JAKMIP2: variants seen among roughly 807,000 people sequenced by gnomAD.
JAKMIP2 encodes janus kinase and microtubule interacting protein 2.
JAKMIP2 carries 25 observed loss-of-function variants against 115.0 expected under a neutral mutation model. The ratio of observed to expected loss-of-function variants is 0.22; its 90% confidence interval spans 0.16 to 0.30. JAKMIP2 has a LOEUF of 0.30. Ranked by LOEUF, JAKMIP2 falls within the 10% of genes least tolerant of loss-of-function variation. The probability of loss-of-function intolerance (pLI) is 1.00; values close to 1 mark genes in which losing one functional copy is unlikely to be tolerated. For missense variants in JAKMIP2, 642 were observed against 957.6 expected (o/e 0.67, Z 4.35); for synonymous variants, 334 against 343.6 (o/e 0.97, Z 0.31).
chr5:147,704,080 C>G (rs1248500401), intron 1 of JAKMIP2, among the ~76,000 whole-genome samples: 2 of 152,122 alleles, frequency 1.3e-5, no homozygotes, highest in African/African-American at 2.4e-5. Flanking sequence ...GAACTGTCAT[C>G]TCCTATATTA....
rs779060827 is a variant in JAKMIP2 at position 147,640,833 on chromosome 5, G to A, written c.1282-10C>T. 1.2e-6 allele frequency: 2 copies of A among 1,609,428 alleles called. No individual in the cohort carries two copies. The highest frequency in any genetic ancestry group is 4.5e-5 in the East Asian group (2 of 44,786). On this transcript the variant is annotated splice_polypyrimidine_tract_variant and intron_variant, in intron 8 of 21. Coordinates refer to ENST00000616793, the MANE Select transcript of JAKMIP2 (RefSeq NM_001270941.2). Reference sequence around the variant, plus strand: ...GGTCCAAAACAGGCCTCTAAATGGAGGGAAAGTACCTATTTACTGACATAG... The same window carrying A: ...GGTCCAAAACAGGCCTCTAAATGGAAGGAAAGTACCTATTTACTGACATAG...
chr5:147,732,232 AAT>A (rs547162704), intron 1 of JAKMIP2, among the ~76,000 whole-genome samples: 307 of 152,332 alleles, frequency 2.0e-3, no homozygotes, highest in Middle Eastern at 3.4e-3. Context: ...CAGCACACTT[AAT>A]AGACTCTGTA....
intron 1 of JAKMIP2, among the ~76,000 whole-genome samples, chr5:147,770,943 T>C (rs1033849786): frequency 7.9e-5 from 12 of 152,148 alleles, no homozygotes; most frequent in African/African-American, 2.9e-4. Flanking sequence ...GAATGGTTTA[T>C]TTTAGGACTG....
At chr5:147,689,987 C>G (rs781215873) in intron 1 of JAKMIP2, among the ~76,000 whole-genome samples, 1 of 152,126 alleles carries the variant, frequency 6.6e-6, no homozygotes, top group African/African-American at 2.4e-5. Flanking sequence ...GACTTCATGA[C>G]GATCTAGCCC....
At chr5:147,677,593 A>G (rs766731630) in intron 1 of JAKMIP2, among the ~76,000 whole-genome samples, 1 of 152,216 alleles carries the variant, frequency 6.6e-6, no homozygotes, top group Non-Finnish European at 1.5e-5. Flanking sequence ...ATCTTGAATC[A>G]TCTACTCCCA....
chr5:147,614,788 C>T (rs552149720), intron 19 of JAKMIP2, among the ~76,000 whole-genome samples: 1 of 152,224 alleles, frequency 6.6e-6, no homozygotes, highest in Non-Finnish European at 1.5e-5. Context: ...CTATCAACCT[C>T]ACTCTGGCTC....
At chr5:147,657,207 G>A (rs1274922840) in intron 3 of JAKMIP2, among the ~76,000 whole-genome samples, 1 of 150,118 alleles carries the variant, frequency 6.7e-6, no homozygotes, top group Non-Finnish European at 1.5e-5. Flanking sequence ...ATGAACCCGG[G>A]AGGCGGAGCT....
At chr5:147,778,472 A>T (rs1456719622) in intron 1 of JAKMIP2, among the ~76,000 whole-genome samples, 2 of 152,078 alleles carry the variant, frequency 1.3e-5, no homozygotes. Flanking sequence ...TTAAAATTCA[A>T]ATTGGTAAGA....
intron 2 of JAKMIP2, 134 bp downstream of exon 2, chr5:147,671,544 T>TA (rs1442717402): frequency 1.2e-5 from 7 of 589,684 alleles, no homozygotes; most frequent in Non-Finnish European, 1.8e-5. Context: ...TCTCCATGTT[T>TA]ACAGGGGACG....
chr5:147,751,029 C>CT (rs1754532219), intron 1 of JAKMIP2, among the ~76,000 whole-genome samples: 1 of 152,224 alleles, frequency 6.6e-6, no homozygotes, highest in African/African-American at 2.4e-5. Flanking sequence ...TCCCATCCAC[C>CT]TATACAAGTG....
At chr5:147,619,955 C>A (rs1756770379) in intron 18 of JAKMIP2, among the ~76,000 whole-genome samples, 2 of 152,180 alleles carry the variant, frequency 1.3e-5, no homozygotes, top group Admixed American at 1.3e-4. Flanking sequence ...ATATGCATAA[C>A]AAACATTAAA....
At chr5:147,623,787 T>G in intron 16 of JAKMIP2, 98 bp from the exon 17 acceptor site, 1 of 699,142 alleles carries the variant, frequency 1.4e-6, no homozygotes, top group Non-Finnish European at 2.5e-6. Flanking sequence ...CCCTTATATC[T>G]CAGGAAGAAG....
rs1561830537 is a variant in JAKMIP2 at position 147,587,305 on chromosome 5, G to A, written c.*4402C>T. ...ATAAATCTAAATTAGTAAAATGATAGAATTAAACTGCCAAAAGCTGTCATT... is the reference window on the plus strand; with the variant it reads ...ATAAATCTAAATTAGTAAAATGATAAAATTAAACTGCCAAAAGCTGTCATT... On this transcript the variant is annotated 3_prime_UTR_variant, in exon 22 of 22. Coordinates refer to ENST00000616793, the MANE Select transcript of JAKMIP2 (RefSeq NM_001270941.2). The A allele has an allele frequency of 6.6e-6, 1 of 151,966 alleles. No individual in the cohort carries two copies. Among genetic ancestry groups the A allele is most frequent in the African/African-American group, 2.4e-5 (1 of 41,366 alleles). 9.4% of individuals were successfully genotyped at this position (151,966 alleles called of 1,614,324 possible). A position where few individuals can be genotyped will look rare whatever the true frequency, so the allele number is the denominator to read the frequency against.
intron 1 of JAKMIP2, among the ~76,000 whole-genome samples, chr5:147,702,629 A>G (rs1752399696): frequency 2.3e-5 from 3 of 131,210 alleles, no homozygotes; most frequent in African/African-American, 9.7e-5. Flanking sequence ...AGAAAGAAAG[A>G]AAGAAAGAAA....
chr5:147,762,613 C>T (rs905326971), intron 1 of JAKMIP2, among the ~76,000 whole-genome samples: 1 of 151,888 alleles, frequency 6.6e-6, no homozygotes, highest in Non-Finnish European at 1.5e-5. Context: ...GGACACATGT[C>T]GTATTGGATT....
chr5:147,717,347 A>G (rs1463868677), intron 1 of JAKMIP2, among the ~76,000 whole-genome samples: 2 of 147,358 alleles, frequency 1.4e-5, no homozygotes, highest in Non-Finnish European at 3.0e-5. Context: ...TTGGTTCCAG[A>G]TGAACTTTAA....
At chr5:147,627,678 T>TA (rs768481105) in intron 16 of JAKMIP2, among the ~76,000 whole-genome samples, 48,093 of 70,244 alleles carry the variant, frequency 0.68, 19,187 homozygotes, top group Non-Finnish European at 0.77. Context: ...AGCCTTTCTG[T>TA]AAAAAAAAAA....
intron 1 of JAKMIP2, among the ~76,000 whole-genome samples, chr5:147,777,026 GTTT>G (rs1449224282): frequency 6.6e-6 from 1 of 152,148 alleles, no homozygotes; most frequent in Non-Finnish European, 1.5e-5. Context: ...AAACAGATGT[GTTT>G]TTGTTTTTGT....
At chr5:147,646,568 A>G (rs903551421) in intron 5 of JAKMIP2, among the ~76,000 whole-genome samples, 10 of 152,058 alleles carry the variant, frequency 6.6e-5, no homozygotes, top group Non-Finnish European at 1.5e-4. Context: ...CTTTTAAGAT[A>G]CACCTTAAAT....
Sources: gnomAD v4.1 joint callset for allele counts (sites outside exome capture counted in the v4.1 genomes callset) on GRCh38, gnomAD v4.1.1 for gene constraint, MANE v1.5 for transcripts, NCBI Gene and HGNC (gene_info 2026-07-23, HGNC 2026-07-21) for gene names.